The following ATG5 variants were observed in gnomAD, a reference collection of about 807,000 sequenced individuals.
ATG5 encodes autophagy protein 5.
Under a neutral mutation model 36.5 loss-of-function variants are expected in ATG5, and 14 were observed. The observed-to-expected ratio is 0.38, with a 90% CI of 0.25 to 0.60. The LOEUF (loss-of-function observed/expected upper bound fraction) is 0.60, where lower values mean the gene tolerates loss of function less well. Among genes scored for constraint, ATG5 ranks in the 20% least tolerant of loss-of-function variants. The pLI, the probability that ATG5 is intolerant of heterozygous loss-of-function variation, is 0.60. For missense variants in ATG5, 195 were observed against 326.7 expected (o/e 0.60, Z 3.11); for synonymous variants, 95 against 101.5 (o/e 0.94, Z 0.38).
chr6:106,321,548 C>T (rs533826649), intron 1 of ATG5, among the ~76,000 whole-genome samples: 1 of 151,974 alleles, frequency 6.6e-6, no homozygotes, highest in African/African-American at 2.4e-5. Flanking sequence ...TTAGTAGAGA[C>T]GGGATTTCAC....
At chr6:106,225,500 C>T (rs1777420300) in intron 6 of ATG5, among the ~76,000 whole-genome samples, 1 of 151,768 alleles carries the variant, frequency 6.6e-6, no homozygotes, top group Admixed American at 6.6e-5. Flanking sequence ...TTAAAAAACA[C>T]CTCAGTTTTT....
intron 7 of ATG5, among the ~76,000 whole-genome samples, chr6:106,189,185 T>C (rs1775882026): frequency 6.6e-6 from 1 of 152,260 alleles, no homozygotes; most frequent in Non-Finnish European, 1.5e-5. Flanking sequence ...GTAAAGACTG[T>C]TTTGGTTATT....
intron 6 of ATG5, among the ~76,000 whole-genome samples, chr6:106,205,656 T>C (rs1418723900): frequency 1.3e-5 from 2 of 152,200 alleles, no homozygotes; most frequent in Non-Finnish European, 1.5e-5. Flanking sequence ...AACCTCACTA[T>C]TGGAGAAATA....
chr6:106,200,546 C>T (rs1309988390), intron 7 of ATG5, among the ~76,000 whole-genome samples: 2 of 151,404 alleles, frequency 1.3e-5, no homozygotes, highest in Non-Finnish European at 2.9e-5. Flanking sequence ...ATGATCTTGG[C>T]TCACTGCAAG....
intron 6 of ATG5, among the ~76,000 whole-genome samples, chr6:106,208,722 A>G (rs1318612318): frequency 6.6e-6 from 1 of 152,268 alleles, no homozygotes; most frequent in African/African-American, 2.4e-5. Context: ...TCCTGTGAAG[A>G]GAATGAAAAC....
At chr6:106,242,595 T>A (rs1231834738) in intron 6 of ATG5, among the ~76,000 whole-genome samples, 1 of 151,906 alleles carries the variant, frequency 6.6e-6, no homozygotes, top group East Asian at 1.9e-4. Flanking sequence ...TAAAACAAAA[T>A]AATATTAAGG....
intron 6 of ATG5, among the ~76,000 whole-genome samples, chr6:106,236,689 G>A (rs1777917188): frequency 6.6e-6 from 1 of 152,128 alleles, no homozygotes; most frequent in Non-Finnish European, 1.5e-5. Flanking sequence ...TGAGTTTCAG[G>A]TAGTAAGCCT....
At chr6:106,193,520 A>G (rs1776052924) in intron 7 of ATG5, among the ~76,000 whole-genome samples, 3 of 152,200 alleles carry the variant, frequency 2.0e-5, no homozygotes, top group African/African-American at 2.4e-5. Context: ...GATCAGTTGT[A>G]ATTATAAAAA....
At chr6:106,298,111 C>A (rs1054773821) in intron 3 of ATG5, among the ~76,000 whole-genome samples, 1 of 151,590 alleles carries the variant, frequency 6.6e-6, no homozygotes, top group Non-Finnish European at 1.5e-5. Flanking sequence ...ATTACAGGCG[C>A]GTACCACCAC....
intron 5 of ATG5, among the ~76,000 whole-genome samples, chr6:106,270,078 C>A (rs1042656970): frequency 6.6e-6 from 1 of 152,200 alleles, no homozygotes; most frequent in Admixed American, 6.5e-5. Context: ...AGGCTATAGT[C>A]CAAATTATTA....
At chr6:106,206,287 G>A (rs1314952993) in intron 6 of ATG5, among the ~76,000 whole-genome samples, 1 of 152,144 alleles carries the variant, frequency 6.6e-6, no homozygotes, top group African/African-American at 2.4e-5. Context: ...AGCAACCAGT[G>A]CTAACTCTGA....
intron 3 of ATG5, among the ~76,000 whole-genome samples, chr6:106,296,255 C>G (rs754700703): frequency 1.7e-4 from 25 of 151,424 alleles, no homozygotes; most frequent in Non-Finnish European, 3.4e-4. Context: ...TAGTAATTAC[C>G]ACATGGAGCT....
rs72252671 is a variant in ATG5 at position 106,246,392 on chromosome 6, TCACACACACACACACA to T, written c.573+1742_573+1757del. On this transcript the variant is annotated intron_variant, in intron 6 of 7. Transcript: ENST00000369076. ...CTCTGTCTCTCTCTCTCTCTCTCTC[TCACACACACACACACA>T]CACACACACACACACACACACACCC... 6.2e-4 allele frequency among the ~76,000 whole-genome samples: 81 copies of T among 129,642 alleles called. 1 individual carries two copies. In the South Asian group the frequency reaches 0.019, roughly 31 times the overall value. 85.1% of individuals were successfully genotyped at this position (129,642 alleles called of 152,430 possible).
chr6:106,212,645 T>TAAACA (rs554113351), intron 6 of ATG5, among the ~76,000 whole-genome samples: 145 of 152,224 alleles, frequency 9.5e-4, no homozygotes, highest in African/African-American at 3.3e-3. Context: ...CTCCGTATAT[T>TAAACA]AAACAAAACA....
chr6:106,294,785 G>A (rs1780469305), intron 3 of ATG5, among the ~76,000 whole-genome samples: 2 of 149,300 alleles, frequency 1.3e-5, no homozygotes, highest in South Asian at 2.1e-4. Flanking sequence ...AGAGGCTGCA[G>A]TGAGCCAAGA....
chr6:106,285,655 T>C (rs1470661390), intron 4 of ATG5, among the ~76,000 whole-genome samples: 2 of 152,254 alleles, frequency 1.3e-5, no homozygotes. Flanking sequence ...ATACAGTCTC[T>C]ATCCCAAATA....
At chr6:106,192,332 G>C (rs1490176778) in intron 7 of ATG5, among the ~76,000 whole-genome samples, 2 of 151,106 alleles carry the variant, frequency 1.3e-5, no homozygotes, top group African/African-American at 4.9e-5. Flanking sequence ...TGATAAATTT[G>C]AGTTCTAAAG....
chr6:106,190,494 A>G (rs1775930667), intron 7 of ATG5, among the ~76,000 whole-genome samples: 1 of 152,332 alleles, frequency 6.6e-6, no homozygotes. Flanking sequence ...TCAAGGATGC[A>G]CATATTGCAT....
chr6:106,295,194 C>T (rs1780496388), intron 3 of ATG5, among the ~76,000 whole-genome samples: 1 of 152,062 alleles, frequency 6.6e-6, no homozygotes, highest in Non-Finnish European at 1.5e-5. Context: ...TTTTACAAAA[C>T]AGACCTTTTA....
Sources: gnomAD v4.1 joint callset for allele counts (sites outside exome capture counted in the v4.1 genomes callset) on GRCh38, gnomAD v4.1.1 for gene constraint, MANE v1.5 for transcripts, NCBI Gene and HGNC (gene_info 2026-07-23, HGNC 2026-07-21) for gene names.